The following XDH variants were observed in gnomAD, a reference collection of about 807,000 sequenced individuals.
XDH encodes the protein xanthine dehydrogenase/oxidase.
XDH carries 138 observed loss-of-function variants against 156.1 expected under a neutral mutation model. That is an observed-to-expected ratio of 0.88 (90% CI 0.77 to 1.02). The LOEUF (loss-of-function observed/expected upper bound fraction) is 1.02, where lower values mean the gene tolerates loss of function less well. XDH is among the 50% of genes least tolerant of loss of function. XDH has a pLI of 0.00. For missense variants in XDH, 1,849 were observed against 1,684.9 expected (o/e 1.10, Z -1.71); for synonymous variants, 669 against 625.7 (o/e 1.07, Z -1.03).
At chr2:31,354,177 C>A (rs1452768132) in intron 24 of XDH, among the ~76,000 whole-genome samples, 1 of 152,160 alleles carries the variant, frequency 6.6e-6, no homozygotes, top group East Asian at 1.9e-4. Flanking sequence ...TGGGTATCAA[C>A]AAAGGCCAAG....
chr2:31,366,758 C>A, intron 21 of XDH, 112 bp downstream of exon 21: 2 of 1,555,402 alleles, frequency 1.3e-6, no homozygotes, highest in South Asian at 1.1e-5. Flanking sequence ...ACTCGAGTAC[C>A]CTCTGGACCA....
rs559627771 is a variant in XDH, at chr2:31,383,164, C to T, written c.887-12G>A. 5.0e-6 allele frequency: 8 copies of T among 1,614,162 alleles called. No individual in the cohort carries two copies. The highest frequency in any genetic ancestry group is 2.2e-5 in the East Asian group (1 of 44,876). ...TCCAAAGGAGATACCTGGGAACGCA[C>T]GTTCGGAATCACAGCAATTCTTCCC... On this transcript the variant is annotated splice_polypyrimidine_tract_variant and intron_variant, in intron 10 of 35. Transcript: ENST00000379416.
intron 6 of XDH, among the ~76,000 whole-genome samples, chr2:31,388,530 C>A (rs1052381970): frequency 6.6e-6 from 1 of 152,202 alleles, no homozygotes; most frequent in African/African-American, 2.4e-5. Flanking sequence ...AACAAGGCCA[C>A]TGAATTTCAG....
intron 2 of XDH, among the ~76,000 whole-genome samples, chr2:31,403,575 T>C (rs189198533): frequency 6.6e-6 from 1 of 152,244 alleles, no homozygotes; most frequent in East Asian, 1.9e-4. Context: ...ATTGATCTGT[T>C]CTGGGACCTC....
At chr2:31,349,097 G>A in intron 26 of XDH, 117 bp from the exon 27 acceptor site, 1 of 961,164 alleles carries the variant, frequency 1.0e-6, no homozygotes, top group Non-Finnish European at 1.6e-6. Context: ...GATGAGAACA[G>A]TCAGCTGGTG....
rs556124480 is a variant in XDH, at chr2:31,348,001, G to A, written c.3147+267C>T. Among the ~76,000 whole-genome samples the A allele has an allele frequency of 2.2e-4, 33 of 152,292 alleles. 1 individual carries two copies. Among genetic ancestry groups the A allele is most frequent in the Middle Eastern group, 3.4e-3 (1 of 294 alleles). On this transcript the variant is annotated intron_variant, in intron 28 of 35. Coordinates refer to ENST00000379416, the MANE Select transcript of XDH (RefSeq NM_000379.4). ...GAGTCTTGGAATGTGGGAAACTCGC[G>A]ACCTTTACACACAGAGCATGCCCGC...
At chr2:31,412,215 G>A (rs957641436) in intron 1 of XDH, among the ~76,000 whole-genome samples, 1 of 152,126 alleles carries the variant, frequency 6.6e-6, no homozygotes, top group Non-Finnish European at 1.5e-5. Context: ...TCTGACTCTA[G>A]AACAAAAGAA....
Position 31,372,090 on chromosome 2 carries a change from C to T in XDH, c.1856+138G>A, listed in dbSNP as rs544483216. 3.5e-5 allele frequency: 46 copies of T among 1,311,876 alleles called. No individual in the cohort carries two copies. The African/African-American group carries it at 6.1e-4, about 17-fold the overall frequency. The allele number at this position is 1,311,876 out of a possible 1,614,324, so 81.3% of individuals were successfully genotyped here. On this transcript the variant is annotated intron_variant, in intron 17 of 35. Transcript: ENST00000379416. Reference sequence around the variant, plus strand: ...GGACCTGCCTATAAGGTCTTCCCCTCTCTCTAGCCTGGGAGGTCCTGGAGG... The same window carrying T: ...GGACCTGCCTATAAGGTCTTCCCCTTTCTCTAGCCTGGGAGGTCCTGGAGG...
chr2:31,399,327 G>C (rs1454532772), intron 4 of XDH, among the ~76,000 whole-genome samples: 1 of 152,172 alleles, frequency 6.6e-6, no homozygotes, highest in Non-Finnish European at 1.5e-5. Context: ...GGATGAAGAA[G>C]GGGAGGGGCC....
At chr2:31,350,871 C>T (rs45561543) in intron 24 of XDH, among the ~76,000 whole-genome samples, 7,636 of 152,196 alleles carry the variant, frequency 0.05, 308 homozygotes, top group African/African-American at 0.11. Context: ...TTGAAGTGTC[C>T]CATACTTCTG....
intron 4 of XDH, 124 bp from the exon 5 acceptor site, chr2:31,398,823 G>A: frequency 6.8e-7 from 1 of 1,481,480 alleles, no homozygotes; most frequent in Non-Finnish European, 9.2e-7. Flanking sequence ...ACAGAGTCAA[G>A]CCCCAGTGCC....
At position 31,366,085 on chromosome 2, in the gene XDH, C is replaced by T. The variant is rs138717520; in HGVS notation, c.2347G>A (p.Val783Ile). The T allele has an allele frequency of 5.0e-6, 8 of 1,614,202 alleles. No individual in the cohort carries two copies. In the African/African-American group the frequency reaches 9.3e-5, roughly 19 times the overall value. The change falls in exon 22 of 36, where the codon GTT becomes ATT. Residue 783 changes from valine to isoleucine, a missense_variant. Val to Ile is a conservative substitution (Grantham distance 29). Coordinates refer to ENST00000379416, the MANE Select transcript of XDH (RefSeq NM_000379.4). The part of the protein sequence containing the change: ...TQSFVAKMLG[V>I]PANRIVVRVK... ...CGAACCACAATCCGGTTTGCTGGAA[C>T]CCCCAACATTTTTGCAACAAAGCTC... is the stretch of plus-strand genomic sequence containing the variant.
At chr2:31,352,831 G>A (rs1262468109) in intron 24 of XDH, among the ~76,000 whole-genome samples, 2 of 152,008 alleles carry the variant, frequency 1.3e-5, no homozygotes, top group East Asian at 1.9e-4. Context: ...TAGCAGAGAG[G>A]AGTGTGATCC....
intron 13 of XDH, 150 bp from the exon 14 acceptor site, chr2:31,377,387 T>C: frequency 2.5e-6 from 2 of 812,370 alleles, no homozygotes; most frequent in Non-Finnish European, 2.0e-6. Context: ...AAAGATCAAA[T>C]GTAACTGATT....
intron 2 of XDH, 23 bp from the exon 3 acceptor site, chr2:31,403,167 G>A (rs1475914445): frequency 6.2e-7 from 1 of 1,613,024 alleles, no homozygotes; most frequent in Non-Finnish European, 8.5e-7. Context: ...GAGTTAAGGA[G>A]AATGAACTCA....
chr2:31,383,631 GC>G, intron 10 of XDH, 123 bp downstream of exon 10: 1 of 888,822 alleles, frequency 1.1e-6, no homozygotes, highest in Non-Finnish European at 1.8e-6. Flanking sequence ...TGCAAGGTGA[GC>G]CCCAGGAGAA....
chr2:31,395,087 T>C (rs969424596), intron 6 of XDH, among the ~76,000 whole-genome samples: 2 of 151,498 alleles, frequency 1.3e-5, no homozygotes, highest in Admixed American at 1.3e-4. Flanking sequence ...GACTATGCCT[T>C]ATAATTTTTG....
At chr2:31,336,548 G>C (rs1684974615) in intron 35 of XDH, among the ~76,000 whole-genome samples, 1 of 152,022 alleles carries the variant, frequency 6.6e-6, no homozygotes, top group South Asian at 2.1e-4. Context: ...TAGTGGGAAG[G>C]TTCTGGGCTG....
Position 31,339,535 on chromosome 2 carries a change from G to C in XDH, c.3728C>G (p.Ser1243Cys), listed in dbSNP as rs1171465531. ...CTTGTTGGGGCAGTCGCGGAGCAGGGACACCCTGAACTCAATGGGGATGCT... is the reference window on the plus strand; with the variant it reads ...CTTGTTGGGGCAGTCGCGGAGCAGGCACACCCTGAACTCAATGGGGATGCT... The part of the protein sequence containing the change: ...FGSIPIEFRV[S>C]LLRDCPNKKA... Residue 1243 changes from serine to cysteine, a missense_variant, in exon 34 of 36, where the codon TCC becomes TGC. Physicochemically the swap from Ser to Cys is moderately radical, Grantham distance 112. Coordinates refer to ENST00000379416, the MANE Select transcript of XDH (RefSeq NM_000379.4). The C allele has an allele frequency of 6.2e-7, 1 of 1,614,220 alleles. No individual in the cohort carries two copies. The highest frequency in any genetic ancestry group is 1.1e-5 in the South Asian group (1 of 91,086).
Sources: gnomAD v4.1 joint callset for allele counts (sites outside exome capture counted in the v4.1 genomes callset) on GRCh38, gnomAD v4.1.1 for gene constraint, MANE v1.5 for transcripts, NCBI Gene and HGNC (gene_info 2026-07-23, HGNC 2026-07-21) for gene names.